The following TET2 variants were observed in gnomAD, a reference collection of about 807,000 sequenced individuals.
The protein encoded by TET2 is tet methylcytosine dioxygenase 2, also known as methylcytosine dioxygenase TET2.
In TET2, 299 loss-of-function variants were observed where a neutral mutation model predicts 142.9. The observed-to-expected ratio is 2.09, with a 90% CI of 1.90 to 2.30. The LOEUF is 2.30. TET2 is among the 30% of genes most tolerant of loss of function. TET2 has a pLI of 0.00. For synonymous variants in TET2, 819 were observed against 849.0 expected (o/e 0.96, Z 0.61); for missense variants, 2,418 against 2,378.0 (o/e 1.02, Z -0.35).
intron 1 of TET2, among the ~76,000 whole-genome samples, chr4:105,148,164 T>C (rs1723130842): frequency 6.6e-6 from 1 of 152,146 alleles, no homozygotes; most frequent in African/African-American, 2.4e-5. Context: ...ATGGAGAGTT[T>C]TCTACCTATG....
intron 1 of TET2, among the ~76,000 whole-genome samples, chr4:105,149,297 G>GT (rs1723188255): frequency 6.6e-6 from 1 of 152,038 alleles, no homozygotes; most frequent in East Asian, 1.9e-4. Context: ...TAATAATTTT[G>GT]AATACAACTA....
chr4:105,220,190 C>T (rs1197394085), intron 2 of TET2, among the ~76,000 whole-genome samples: 1 of 152,036 alleles, frequency 6.6e-6, no homozygotes, highest in Non-Finnish European at 1.5e-5. Flanking sequence ...ACATAAAGTT[C>T]TTATATATTA....
intron 3 of TET2, chr4:105,239,804 C>T: frequency 4.3e-6 from 1 of 230,022 alleles, no homozygotes; most frequent in East Asian, 6.2e-5. Flanking sequence ...TGGCTTTTGA[C>T]ATGCCTTCCT....
At chr4:105,153,579 C>T (rs1723418853) in intron 1 of TET2, among the ~76,000 whole-genome samples, 3 of 152,036 alleles carry the variant, frequency 2.0e-5, no homozygotes, top group Non-Finnish European at 2.9e-5. Context: ...TCATCACAAC[C>T]CTAGAGATAG....
rs115058972 is a variant in TET2 at position 105,158,929 on chromosome 4, C to G, written c.-193+11950C>G. ...TAGGCTTCTCTTTGGAAATTGTAGACGCTTTCTCTCCTTCCAGTTACACGC... is the reference window on the plus strand; with the variant it reads ...TAGGCTTCTCTTTGGAAATTGTAGAGGCTTTCTCTCCTTCCAGTTACACGC... On this transcript the variant is annotated intron_variant, in intron 1 of 10. Transcript: ENST00000380013. 6.3e-3 allele frequency among the ~76,000 whole-genome samples: 959 copies of G among 152,204 alleles called. 6 individuals are homozygous for G. Among genetic ancestry groups the G allele is most frequent in the Non-Finnish European group, 0.012 (808 of 68,016 alleles).
intron 2 of TET2, among the ~76,000 whole-genome samples, chr4:105,205,027 A>G (rs1039779511): frequency 6.6e-6 from 1 of 151,580 alleles, no homozygotes; most frequent in Non-Finnish European, 1.5e-5. Flanking sequence ...AATTGTTTTT[A>G]TTTTGTTTTG....
intron 10 of TET2, 118 bp from the exon 11 acceptor site, chr4:105,274,930 G>A (rs2110310417): frequency 7.9e-7 from 1 of 1,272,562 alleles, no homozygotes; most frequent in Non-Finnish European, 1.0e-6. Flanking sequence ...TTGCTTAATG[G>A]GTGTCGTATA....
rs1578680142 is a variant in TET2 at position 105,237,188 on chromosome 4, G to A, written c.3246G>A (p.Glu1082=). Residue 1082 remains glutamate, a synonymous_variant, in exon 3 of 11, where the codon GAG becomes GAA. Transcript: ENST00000380013. ...TTGATAGCCACACCCCAGCTTTAGA[G>A]CAGCAAACAACTTCTTCAGAAAAGA... ...AELDSHTPAL[E]QQTTSSEKTP... is the part of the protein sequence containing the mutation. 2 of 1,613,990 alleles carry A rather than the reference G, an allele frequency of 1.2e-6. No homozygotes were observed. Among genetic ancestry groups the A allele is most frequent in the East Asian group, 2.2e-5 (1 of 44,886 alleles).
chr4:105,276,159 A>C lies in TET2; in HGVS notation c.5649A>C (p.Thr1883=), dbSNP rs1560574498. Residue 1883 remains threonine, a synonymous_variant, in exon 11 of 11, where the codon ACA becomes ACC. Coordinates refer to ENST00000380013, the MANE Select transcript of TET2 (RefSeq NM_001127208.3). The part of the protein sequence containing the change: ...IECAKRELHA[T]TPLKNPNRNH... The stretch of plus-strand genomic sequence containing the variant: ...GTGCAAAGCGTGAGCTGCATGCCAC[A>C]ACCCCTTTAAAGAATCCCAATAGGA... 6.4e-7 allele frequency: 1 copy of C among 1,551,522 alleles called. No individual in the cohort carries two copies. The highest frequency in any genetic ancestry group is 2.4e-5 in the East Asian group (1 of 40,940).
intron 3 of TET2, chr4:105,240,643 A>T: frequency 3.7e-6 from 4 of 1,079,816 alleles, no homozygotes; most frequent in Non-Finnish European, 4.5e-6. Flanking sequence ...CACACATCTC[A>T]TAGATAATAT....
At chr4:105,209,851 G>A (rs559216991) in intron 2 of TET2, among the ~76,000 whole-genome samples, 11 of 152,268 alleles carry the variant, frequency 7.2e-5, no homozygotes, top group African/African-American at 2.6e-4. Flanking sequence ...TAGAAGATGA[G>A]CAAGGCTTAG....
intron 2 of TET2, among the ~76,000 whole-genome samples, chr4:105,224,146 A>C (rs1728029993): frequency 6.6e-6 from 1 of 152,124 alleles, no homozygotes; most frequent in African/African-American, 2.4e-5. Context: ...AATAAAAGAT[A>C]TACCCCCACC....
chr4:105,271,852 A>C (rs535919900), intron 9 of TET2, among the ~76,000 whole-genome samples: 1 of 152,244 alleles, frequency 6.6e-6, no homozygotes, highest in Admixed American at 6.5e-5. Flanking sequence ...TCCTCCCTCC[A>C]CCCCTTACCC....
At chr4:105,202,405 T>C (rs1726537165) in intron 2 of TET2, 1 of 152,182 alleles carries the variant, frequency 6.6e-6, no homozygotes, top group Admixed American at 6.5e-5. Flanking sequence ...AAGCAGCGAA[T>C]TTCTAGAGGC....
chr4:105,225,184 T>TAGTGTGTGTGTGTG (rs1728109244), intron 2 of TET2, among the ~76,000 whole-genome samples: 1 of 47,620 alleles, frequency 2.1e-5, no homozygotes, highest in Admixed American at 1.7e-4. Context: ...TAGTAAAAAA[T>TAGTGTGTGTGTGTG]CGTGTGTGTG....
In TET2 at chr4:105,261,756, C is replaced by T. The variant is rs113409918; in HGVS notation, c.3955-3C>T. 1.4e-5 allele frequency: 22 copies of T among 1,529,538 alleles called. No homozygotes were observed. In the African/African-American group the frequency reaches 1.7e-4, roughly 12 times the overall value. 94.7% of individuals were successfully genotyped at this position (1,529,538 alleles called of 1,614,324 possible). On this transcript the variant is annotated splice_region_variant and splice_polypyrimidine_tract_variant and intron_variant, in intron 7 of 10. Coordinates refer to ENST00000380013, the MANE Select transcript of TET2 (RefSeq NM_001127208.3). The stretch of plus-strand genomic sequence containing the variant: ...AATATGTAGAATTATTCACTTTATA[C>T]AGGAAGAGAAACTGGAGTCTCATTT...
intron 2 of TET2, among the ~76,000 whole-genome samples, chr4:105,209,049 GTATA>G (rs36045001): frequency 0.021 from 931 of 44,052 alleles, 10 homozygotes; most frequent in Non-Finnish European, 0.05. Context: ...TCAAGGCATG[GTATA>G]TATATATATA....
At chr4:105,183,025 C>G (rs1725211624) in intron 1 of TET2, among the ~76,000 whole-genome samples, 1 of 151,978 alleles carries the variant, frequency 6.6e-6, no homozygotes, top group Non-Finnish European at 1.5e-5. Context: ...AATACTTATC[C>G]CCCCAAAATA....
chr4:105,204,907 G>A (rs1038964807), intron 2 of TET2, among the ~76,000 whole-genome samples: 1 of 151,834 alleles, frequency 6.6e-6, no homozygotes, highest in African/African-American at 2.4e-5. Context: ...GATTTATTAA[G>A]CCTACTATAT....
Sources: gnomAD v4.1 joint callset for allele counts (sites outside exome capture counted in the v4.1 genomes callset) on GRCh38, gnomAD v4.1.1 for gene constraint, MANE v1.5 for transcripts, NCBI Gene and HGNC (gene_info 2026-07-23, HGNC 2026-07-21) for gene names.